The following STK11 variants were observed in gnomAD, a reference collection of about 807,000 sequenced individuals.
The protein encoded by STK11 is serine/threonine-protein kinase STK11.
In STK11, 8 loss-of-function variants were observed where a neutral mutation model predicts 47.3. That is an observed-to-expected ratio of 0.17 (90% CI 0.10 to 0.31). The LOEUF is 0.31. Among genes scored for constraint, STK11 ranks in the 10% least tolerant of loss-of-function variants. The pLI, the probability that STK11 is intolerant of heterozygous loss-of-function variation, is 1.00. For synonymous variants in STK11, 330 were observed against 255.8 expected (o/e 1.29, Z -2.77); for missense variants, 475 against 605.0 (o/e 0.79, Z 2.25).
At chr19:1,216,798 G>A (rs2080747611) in intron 1 of STK11, among the ~76,000 whole-genome samples, 2 of 150,570 alleles carry the variant, frequency 1.3e-5, no homozygotes, top group South Asian at 2.1e-4. Context: ...AGCCTGGGAG[G>A]TGCACTCCAG....
intron 1 of STK11, among the ~76,000 whole-genome samples, chr19:1,213,226 T>C (rs1568697725): frequency 6.6e-6 from 1 of 151,028 alleles, no homozygotes; most frequent in African/African-American, 2.4e-5. Context: ...CTCGATCTCC[T>C]GACCTCGTGA....
intron 8 of STK11, chr19:1,224,454 G>A: frequency 1.0e-6 from 1 of 985,440 alleles, no homozygotes; most frequent in Non-Finnish European, 1.2e-6. Context: ...CAGGCCCAGG[G>A]TCTTCTGCCT....
intron 8 of STK11, chr19:1,224,827 A>G (rs2080809662): frequency 1.0e-6 from 1 of 985,474 alleles, no homozygotes; most frequent in South Asian, 4.7e-5. Flanking sequence ...CTCAGTACTC[A>G]GTACTGGGTA....
chr19:1,226,839 C>G, intron 9 of STK11, 176 bp downstream of exon 9: 1 of 770,094 alleles, frequency 1.3e-6, no homozygotes, highest in South Asian at 2.1e-5. Flanking sequence ...GGTGCCGTCT[C>G]GGGGCCTGGT....
Position 1,225,329 on chromosome 19 carries a change from G to A in STK11, c.1109-1125G>A, listed in dbSNP as rs889435997. 3.0e-5 allele frequency: 29 copies of A among 971,138 alleles called. No homozygotes were observed. The African/African-American group carries it at 4.8e-4, about 16-fold the overall frequency. The allele number at this position is 971,138 out of a possible 1,614,324, so 60.2% of individuals were successfully genotyped here. ...GCTCTGTCGCCCAGGCTGGAGTGCT[G>A]TGGTGCGATCTCGGCTCACTGCAAC... On this transcript the variant is annotated intron_variant, in intron 8 of 9. Transcript: ENST00000326873.
rs946641961 is a variant in STK11 at position 1,206,590 on chromosome 19, G to A, written c.-324G>A. On this transcript the variant is annotated 5_prime_UTR_variant, in exon 1 of 10. Transcript: ENST00000326873. ...CGGCCGGCCTCCCCAGGGTCCCCGA[G>A]GACGAAGTTGACCCTGACCGGGCCG... 4 of 436,282 alleles carry A rather than the reference G, an allele frequency of 9.2e-6. No homozygotes were observed. Among genetic ancestry groups the A allele is most frequent in the Non-Finnish European group, 1.2e-5 (3 of 243,740 alleles). 27.0% of individuals were successfully genotyped at this position (436,282 alleles called of 1,614,324 possible).
In STK11 at chr19:1,220,517, C is replaced by T. The variant is rs900548008; in HGVS notation, c.597+12C>T. 1 of 1,595,966 alleles carries T rather than the reference C, an allele frequency of 6.3e-7. No homozygotes were observed. The highest frequency in any genetic ancestry group is 8.5e-7 in the Non-Finnish European group (1 of 1,170,988). ...TGGGCGTGGCCGAGGTAGGCACGTG[C>T]TAGGGGGGGCCCTGGGGCGCCCCCT... On this transcript the variant is annotated intron_variant, in intron 4 of 9. Transcript: ENST00000326873.
At chr19:1,219,467 G>T in intron 3 of STK11, 54 bp downstream of exon 3, 1 of 1,418,168 alleles carries the variant, frequency 7.1e-7, no homozygotes, top group Non-Finnish European at 9.5e-7. Context: ...GCCAGGCAGG[G>T]CAGGCTCCTT....
chr19:1,212,463 G>A (rs2080718113), intron 1 of STK11, among the ~76,000 whole-genome samples: 3 of 151,958 alleles, frequency 2.0e-5, no homozygotes, highest in Non-Finnish European at 4.4e-5. Context: ...TGTTGTCCAG[G>A]CTGGTCTCAA....
chr19:1,218,582 T>C lies in STK11; in HGVS notation c.374+82T>C, dbSNP rs893678151. On this transcript the variant is annotated intron_variant, in intron 2 of 9. Transcript: ENST00000326873. ...GTCCGCCTGCCTCGAGGCCTGCTCC[T>C]CTTCCCGTCTCCTTGAAGGAGACTG... 5.5e-5 allele frequency: 65 copies of C among 1,183,504 alleles called. No individual in the cohort carries two copies. The Admixed American group carries it at 7.8e-4, about 14-fold the overall frequency. 73.3% of individuals were successfully genotyped at this position (1,183,504 alleles called of 1,614,324 possible). A position where few individuals can be genotyped will look rare whatever the true frequency, so the allele number is the denominator to read the frequency against.
chr19:1,218,319 C>G (rs954117743), intron 1 of STK11, 98 bp from the exon 2 acceptor site: 49 of 973,644 alleles, frequency 5.0e-5, no homozygotes, highest in Non-Finnish European at 7.2e-5. Flanking sequence ...GGAGGAGGTA[C>G]GCCACTTCCA....
intron 1 of STK11, among the ~76,000 whole-genome samples, chr19:1,215,476 C>T (rs2080739116): frequency 6.6e-6 from 1 of 152,222 alleles, no homozygotes; most frequent in Non-Finnish European, 1.5e-5. Context: ...CCTCTGTGCC[C>T]CGTCCCCATC....
intron 8 of STK11, chr19:1,224,162 G>GC: frequency 1.0e-6 from 1 of 986,660 alleles, no homozygotes; most frequent in Non-Finnish European, 1.2e-6. Flanking sequence ...CAGTGTGGGG[G>GC]CCCCCGAGAG....
chr19:1,227,181 TCCCAGCCCCAGC>T (rs900298893), intron 9 of STK11: 8 of 158,680 alleles, frequency 5.0e-5, no homozygotes, highest in Admixed American at 1.3e-4. Flanking sequence ...CTGCCTCCTC[TCCCAGCCCCAGC>T]CCCAGCCCCG....
chr19:1,220,073 G>C, intron 3 of STK11: 1 of 381,386 alleles, frequency 2.6e-6, no homozygotes, highest in African/African-American at 2.1e-5. Context: ...CACAGGGGCA[G>C]GGAGGGGCCT....
intron 1 of STK11, among the ~76,000 whole-genome samples, chr19:1,211,809 T>C (rs1466608670): frequency 1.3e-5 from 2 of 152,248 alleles, no homozygotes; most frequent in East Asian, 1.9e-4. Context: ...TCAGTGTGCC[T>C]GGTTGCGGCG....
intron 6 of STK11, 148 bp from the exon 7 acceptor site, chr19:1,221,801 G>A: frequency 1.2e-6 from 1 of 858,658 alleles, no homozygotes. Context: ...AGTGGCCTCT[G>A]TCAGGGAGAC....
At chr19:1,211,560 C>T (rs2080710944) in intron 1 of STK11, among the ~76,000 whole-genome samples, 1 of 152,228 alleles carries the variant, frequency 6.6e-6, no homozygotes, top group Non-Finnish European at 1.5e-5. Flanking sequence ...CCTTGTGGAG[C>T]CTCCGCAGAG....
At position 1,228,412 on chromosome 19, in the gene STK11, TAAAGCTTGGGAAG is replaced by T. The variant is rs1054524262; in HGVS notation, c.*837_*849del. ...GAGGCCGCCCAAATTTGGCAATAAA[TAAAGCTTGGGAAG>T]CTTGGACCTGGCCGTCTGGGTTTTG... On this transcript the variant is annotated 3_prime_UTR_variant, in exon 10 of 10. Coordinates refer to ENST00000326873, the MANE Select transcript of STK11 (RefSeq NM_000455.5). 8.9e-6 allele frequency: 2 copies of T among 225,136 alleles called. No individual in the cohort carries two copies. Among genetic ancestry groups the T allele is most frequent in the Non-Finnish European group, 8.9e-6 (1 of 112,924 alleles). 13.9% of individuals were successfully genotyped at this position (225,136 alleles called of 1,614,324 possible).
Sources: gnomAD v4.1 joint callset for allele counts (sites outside exome capture counted in the v4.1 genomes callset) on GRCh38, gnomAD v4.1.1 for gene constraint, MANE v1.5 for transcripts, NCBI Gene and HGNC (gene_info 2026-07-23, HGNC 2026-07-21) for gene names.